Variants in PPFIA2 observed in about 807,000 individuals in gnomAD.
PPFIA2 encodes the protein liprin-alpha-2.
In PPFIA2, 46 loss-of-function variants were observed where a neutral mutation model predicts 175.5. That is an observed-to-expected ratio of 0.26 (90% confidence interval 0.21 to 0.34). The LOEUF (loss-of-function observed/expected upper bound fraction) is 0.34, where lower values mean the gene tolerates loss of function less well. Ranked by LOEUF, PPFIA2 falls within the 10% of genes least tolerant of loss-of-function variation. The pLI, the probability that PPFIA2 is intolerant of heterozygous loss-of-function variation, is 1.00. For synonymous variants in PPFIA2, 568 were observed against 511.4 expected (o/e 1.11, Z -1.49); for missense variants, 1,179 against 1,506.1 (o/e 0.78, Z 3.60).
chr12:81,676,622 C>G (rs1002787206), intron 4 of PPFIA2, 169 bp downstream of exon 4: 3 of 401,234 alleles, frequency 7.5e-6, no homozygotes, highest in Non-Finnish European at 1.3e-5. Context: ...ATAAAAACAC[C>G]AGCCCACACC....
At chr12:81,552,588 GAA>G (rs2068108325) in intron 4 of PPFIA2, among the ~76,000 whole-genome samples, 1 of 151,792 alleles carries the variant, frequency 6.6e-6, no homozygotes, top group Non-Finnish European at 1.5e-5. Flanking sequence ...TTATATGTTT[GAA>G]CAATATAATG....
intron 24 of PPFIA2, among the ~76,000 whole-genome samples, chr12:81,289,043 C>A (rs1339849796): frequency 1.3e-5 from 2 of 151,718 alleles, no homozygotes; most frequent in Non-Finnish European, 3.0e-5. Context: ...AGGAGTATGA[C>A]CTTAGGTGAG....
At chr12:81,530,196 GA>G (rs2064319228) in intron 4 of PPFIA2, among the ~76,000 whole-genome samples, 1 of 151,938 alleles carries the variant, frequency 6.6e-6, no homozygotes, top group East Asian at 1.9e-4. Context: ...AGCTGACACA[GA>G]CTCTATGACC....
At position 81,350,273 on chromosome 12, in the gene PPFIA2, A is replaced by G. The variant is rs988255423; in HGVS notation, c.1995-2503T>C. 1.4e-4 allele frequency among the ~76,000 whole-genome samples: 22 copies of G among 152,166 alleles called. 1 individual carries two copies. The highest frequency in any genetic ancestry group is 1.4e-3 in the Admixed American group (22 of 15,260). On this transcript the variant is annotated intron_variant, in intron 17 of 32. Transcript: ENST00000549396. ...GTTATTCCGTTAATACTTGTTTTACATTATTTTTCTATTTAGAGTAATCAA... is the reference window on the plus strand; with the variant it reads ...GTTATTCCGTTAATACTTGTTTTACGTTATTTTTCTATTTAGAGTAATCAA...
chr12:81,425,274 A>G (rs570022053), intron 7 of PPFIA2, among the ~76,000 whole-genome samples: 12 of 152,290 alleles, frequency 7.9e-5, no homozygotes, highest in African/African-American at 2.9e-4. Context: ...ACATAAATAT[A>G]CTTGACTCAG....
intron 4 of PPFIA2, among the ~76,000 whole-genome samples, chr12:81,484,607 C>T (rs2058617612): frequency 6.6e-6 from 1 of 151,862 alleles, no homozygotes; most frequent in Non-Finnish European, 1.5e-5. Flanking sequence ...CATTAGAGTA[C>T]TACGGAAATG....
At chr12:81,521,951 A>C (rs1360976066) in intron 4 of PPFIA2, among the ~76,000 whole-genome samples, 1 of 152,196 alleles carries the variant, frequency 6.6e-6, no homozygotes, top group Non-Finnish European at 1.5e-5. Flanking sequence ...ATAAAGGATT[A>C]ATTTTTGCAA....
intron 4 of PPFIA2, among the ~76,000 whole-genome samples, chr12:81,578,825 T>C (rs1317180407): frequency 6.6e-6 from 1 of 151,830 alleles, no homozygotes; most frequent in African/African-American, 2.4e-5. Flanking sequence ...GGAAATATTG[T>C]CTGCTCTGGG....
intron 5 of PPFIA2, among the ~76,000 whole-genome samples, chr12:81,448,339 C>T (rs2051723741): frequency 6.6e-6 from 1 of 152,188 alleles, no homozygotes; most frequent in African/African-American, 2.4e-5. Flanking sequence ...AATCTGATCA[C>T]TTGCCACTAC....
chr12:81,660,066 C>T (rs1168210031), intron 4 of PPFIA2, among the ~76,000 whole-genome samples: 2 of 151,996 alleles, frequency 1.3e-5, no homozygotes, highest in East Asian at 1.9e-4. Context: ...TCATCAAAGA[C>T]CAAAGGTATA....
At chr12:81,493,228 C>T (rs114844657) in intron 4 of PPFIA2, among the ~76,000 whole-genome samples, 1,960 of 152,040 alleles carry the variant, frequency 0.013, 42 homozygotes, top group African/African-American at 0.044. Context: ...AAGTTGGAGA[C>T]GCTAATATAG....
intron 4 of PPFIA2, among the ~76,000 whole-genome samples, chr12:81,640,903 T>TA (rs2064877033): frequency 6.6e-6 from 1 of 151,870 alleles, no homozygotes; most frequent in Admixed American, 6.6e-5. Context: ...CATGAGACCT[T>TA]AAAAAAAATT....
intron 4 of PPFIA2, among the ~76,000 whole-genome samples, chr12:81,661,792 G>C (rs1329250519): frequency 6.6e-6 from 1 of 152,144 alleles, no homozygotes; most frequent in East Asian, 1.9e-4. Context: ...TGACCACATA[G>C]TTGGAAGTAA....
At chr12:81,550,278 A>AT (rs1332754729) in intron 4 of PPFIA2, among the ~76,000 whole-genome samples, 1 of 152,018 alleles carries the variant, frequency 6.6e-6, no homozygotes, top group African/African-American at 2.4e-5. Context: ...GGGCTCACAG[A>AT]TTCACATAGA....
At chr12:81,428,894 A>G (rs1197624139) in intron 7 of PPFIA2, among the ~76,000 whole-genome samples, 5 of 152,082 alleles carry the variant, frequency 3.3e-5, no homozygotes, top group African/African-American at 9.7e-5. Flanking sequence ...TTTAAGGAAT[A>G]TAAGTTCAGA....
At chr12:81,524,278 G>T (rs1406505025) in intron 4 of PPFIA2, among the ~76,000 whole-genome samples, 6 of 152,084 alleles carry the variant, frequency 3.9e-5, no homozygotes, top group African/African-American at 1.4e-4. Flanking sequence ...GGTGTGGGCC[G>T]CACCCAGCAA....
intron 4 of PPFIA2, among the ~76,000 whole-genome samples, chr12:81,501,970 T>A (rs567853526): frequency 1.3e-5 from 2 of 152,114 alleles, no homozygotes; most frequent in African/African-American, 2.4e-5. Flanking sequence ...GAGAGTTTCA[T>A]AAAATAGGGC....
chr12:81,490,470 T>C (rs1158748668), intron 4 of PPFIA2, among the ~76,000 whole-genome samples: 1 of 151,950 alleles, frequency 6.6e-6, no homozygotes, highest in East Asian at 1.9e-4. Context: ...AACATACTAC[T>C]TCTTCTCATT....
At chr12:81,283,935 T>C (rs1415153166) in intron 25 of PPFIA2, among the ~76,000 whole-genome samples, 3 of 152,194 alleles carry the variant, frequency 2.0e-5, no homozygotes, top group Non-Finnish European at 4.4e-5. Context: ...TACCTGTGAA[T>C]ATGTCCAATA....
Sources: allele counts gnomAD v4.1 joint callset (sites outside exome capture counted in the v4.1 genomes callset), GRCh38; gene constraint gnomAD v4.1.1; transcripts MANE v1.5; gene names NCBI Gene and HGNC (gene_info 2026-07-23, HGNC 2026-07-21).